The following IL1RAPL1 variants were observed in gnomAD, a reference collection of about 807,000 sequenced individuals.
The protein encoded by IL1RAPL1 is interleukin-1 receptor accessory protein-like 1.
Under a neutral mutation model 48.4 loss-of-function variants are expected in IL1RAPL1, and 3 were observed. That is an observed-to-expected ratio of 0.06 (90% CI 0.03 to 0.16). The LOEUF (loss-of-function observed/expected upper bound fraction) is 0.16, where lower values mean the gene tolerates loss of function less well. IL1RAPL1 is among the 10% of genes least tolerant of loss of function. The pLI is 1.00. For synonymous variants in IL1RAPL1, 185 were observed against 187.7 expected (o/e 0.99, Z 0.12); for missense variants, 349 against 530.6 (o/e 0.66, Z 3.36).
chrX:29,806,187 A>G, intron 6 of IL1RAPL1, among the ~76,000 whole-genome samples: 1 of 111,228 alleles, frequency 9.0e-6, no homozygotes, highest in Non-Finnish European at 1.9e-5. Flanking sequence ...CTCTTGCTCT[A>G]TGTACATGTG....
intron 6 of IL1RAPL1, among the ~76,000 whole-genome samples, chrX:29,721,140 G>A (rs369531524): frequency 1.8e-5 from 2 of 109,077 alleles, no homozygotes; most frequent in East Asian, 5.6e-4. Context: ...CACCCTAGGG[G>A]ATGAAGCAAG....
At chrX:29,693,806 A>G (rs1926839712) in intron 6 of IL1RAPL1, among the ~76,000 whole-genome samples, 2 of 109,922 alleles carry the variant, frequency 1.8e-5, no homozygotes, top group South Asian at 7.5e-4. Flanking sequence ...AAGTAGTGAA[A>G]TGATTCATTT....
intron 8 of IL1RAPL1, 120 bp downstream of exon 8, chrX:29,920,214 A>G: frequency 1.1e-6 from 1 of 925,113 alleles, no homozygotes; most frequent in Non-Finnish European, 1.5e-6. Flanking sequence ...TAAATAAAAT[A>G]ATCATATTTG....
At chrX:28,791,431 G>GA (rs1936538667) in intron 2 of IL1RAPL1, among the ~76,000 whole-genome samples, 1 of 111,865 alleles carries the variant, frequency 8.9e-6, no homozygotes. Flanking sequence ...AAAGACCTGA[G>GA]AAAACTCAAG....
At chrX:29,185,508 A>G (rs1930233472) in intron 2 of IL1RAPL1, among the ~76,000 whole-genome samples, 1 of 112,101 alleles carries the variant, frequency 8.9e-6, no homozygotes, top group Non-Finnish European at 1.9e-5. Flanking sequence ...ACTTACCGCA[A>G]TGCCTGGCTC....
chrX:29,302,822 G>T (rs188876672), intron 3 of IL1RAPL1, among the ~76,000 whole-genome samples: 3 of 111,700 alleles, frequency 2.7e-5, no homozygotes, highest in African/African-American at 6.5e-5. Context: ...GAAACAAACC[G>T]CAAGGAAACA....
At chrX:28,721,974 A>C (rs1484231817) in intron 1 of IL1RAPL1, among the ~76,000 whole-genome samples, 1 of 111,865 alleles carries the variant, frequency 8.9e-6, no homozygotes, top group African/African-American at 3.3e-5. Flanking sequence ...TGGTACCAGT[A>C]CCATGCTGTT....
intron 2 of IL1RAPL1, among the ~76,000 whole-genome samples, chrX:29,104,091 T>G (rs1928399321): frequency 9.0e-6 from 1 of 111,721 alleles, no homozygotes; most frequent in Admixed American, 9.5e-5. Flanking sequence ...AAAATAGAAC[T>G]ACCATATGAT....
chrX:29,420,831 A>G (rs1043467052), intron 5 of IL1RAPL1, among the ~76,000 whole-genome samples: 16 of 112,336 alleles, frequency 1.4e-4, no homozygotes, highest in Non-Finnish European at 2.1e-4. Flanking sequence ...ATTTATAAAA[A>G]TAATTTAAAA....
chrX:29,661,912 G>C (rs1443172683), intron 5 of IL1RAPL1, among the ~76,000 whole-genome samples: 1 of 111,387 alleles, frequency 9.0e-6, no homozygotes, highest in Admixed American at 9.6e-5. Flanking sequence ...TCAGTGGACT[G>C]CCTCAACATC....
chrX:29,528,029 A>C (rs1935572863), intron 5 of IL1RAPL1, among the ~76,000 whole-genome samples: 1 of 112,348 alleles, frequency 8.9e-6, no homozygotes, highest in African/African-American at 3.2e-5. Flanking sequence ...AGCTGTAGAG[A>C]AACAAGCATT....
intron 5 of IL1RAPL1, among the ~76,000 whole-genome samples, chrX:29,667,676 A>T (rs1199883431): frequency 8.9e-6 from 1 of 111,902 alleles, no homozygotes; most frequent in Non-Finnish European, 1.9e-5. Flanking sequence ...TATCTTCAAG[A>T]TTTCTAATGG....
At chrX:29,275,950 T>C (rs1932112418) in intron 2 of IL1RAPL1, among the ~76,000 whole-genome samples, 1 of 112,502 alleles carries the variant, frequency 8.9e-6, no homozygotes, top group Admixed American at 9.4e-5. Context: ...TTTTGTAACT[T>C]ACTATCTTGA....
At chrX:29,239,621 TCC>T (rs1165851791) in intron 2 of IL1RAPL1, among the ~76,000 whole-genome samples, 2 of 112,375 alleles carry the variant, frequency 1.8e-5, no homozygotes, top group Admixed American at 1.9e-4. Context: ...AGCAAGTTTG[TCC>T]AACACGTGGC....
At chrX:29,051,991 A>G (rs985747626) in intron 2 of IL1RAPL1, among the ~76,000 whole-genome samples, 10 of 111,956 alleles carry the variant, frequency 8.9e-5, no homozygotes, top group African/African-American at 3.3e-4. Context: ...TTGTGATTCC[A>G]TGTTTCCAAA....
intron 2 of IL1RAPL1, among the ~76,000 whole-genome samples, chrX:29,047,728 CT>C (rs34778253): frequency 3.8e-4 from 37 of 98,663 alleles, no homozygotes; most frequent in Non-Finnish European, 3.4e-4. Flanking sequence ...TAAATTCAAC[CT>C]TTTTTTTTTT....
chrX:29,511,989 A>C lies in IL1RAPL1; in HGVS notation c.703+112681A>C, dbSNP rs1296032118. Among the ~76,000 whole-genome samples the C allele has an allele frequency of 3.6e-5, 4 of 111,402 alleles. No homozygotes were observed. The Admixed American group carries it at 3.9e-4, about 11-fold the overall frequency. ...TATAATGAAATGACATGCACTATTA[A>C]AAATAAATGGATTGATACTAGAAAT... On this transcript the variant is annotated intron_variant, in intron 5 of 10. Coordinates refer to ENST00000378993, the MANE Select transcript of IL1RAPL1 (RefSeq NM_014271.4).
At chrX:29,196,135 A>AT (rs1412541609) in intron 2 of IL1RAPL1, among the ~76,000 whole-genome samples, 8 of 111,847 alleles carry the variant, frequency 7.2e-5, no homozygotes, top group African/African-American at 1.3e-4. Context: ...CCATCCACTA[A>AT]TTTTTTTGTC....
At chrX:28,762,307 A>G (rs776571099) in intron 1 of IL1RAPL1, among the ~76,000 whole-genome samples, 2 of 112,033 alleles carry the variant, frequency 1.8e-5, no homozygotes, top group South Asian at 7.4e-4. Context: ...TCCTTAGTGT[A>G]TAATAAAATT....
Sources: gnomAD v4.1 joint callset for allele counts (sites outside exome capture counted in the v4.1 genomes callset) on GRCh38, gnomAD v4.1.1 for gene constraint, MANE v1.5 for transcripts, NCBI Gene and HGNC (gene_info 2026-07-23, HGNC 2026-07-21) for gene names.